The following PTGIS variants were observed in gnomAD, a reference collection of about 807,000 sequenced individuals.
PTGIS encodes the protein prostacyclin synthase.
Under a neutral mutation model 50.3 loss-of-function variants are expected in PTGIS, and 45 were observed. The observed-to-expected ratio is 0.90, with a 90% CI of 0.70 to 1.15. The LOEUF is 1.15. Among genes scored for constraint, PTGIS ranks in the 50% most tolerant of loss-of-function variants. PTGIS has a pLI of 0.00. For missense variants in PTGIS, 668 were observed against 661.3 expected, an observed-to-expected ratio of 1.01 and a Z score of -0.11; for synonymous variants, 260 against 267.7, an observed-to-expected ratio of 0.97 and a Z score of 0.28.
chr20:49,545,630 G>A (rs1314909093), intron 3 of PTGIS, among the ~76,000 whole-genome samples: 2 of 152,150 alleles, frequency 1.3e-5, no homozygotes, highest in African/African-American at 4.8e-5. Flanking sequence ...CTGAGGATAT[G>A]ATTAGAAGCC....
chr20:49,530,317 C>A lies in PTGIS; in HGVS notation c.674-6078G>T, dbSNP rs144163205. Among the ~76,000 whole-genome samples the A allele has an allele frequency of 6.6e-5, 10 of 152,326 alleles. No individual in the cohort carries two copies. In the East Asian group the frequency reaches 1.7e-3, roughly 26 times the overall value. ...GGCCATTGTACCACTATCTCTGTATCTGTTCATGCACTGATGGACACTTAG... is the reference window on the plus strand; with the variant it reads ...GGCCATTGTACCACTATCTCTGTATATGTTCATGCACTGATGGACACTTAG... On this transcript the variant is annotated intron_variant, in intron 5 of 9. Transcript: ENST00000244043.
chr20:49,539,466 T>G, intron 5 of PTGIS, 104 bp downstream of exon 5: 1 of 1,333,392 alleles, frequency 7.5e-7, no homozygotes, highest in Non-Finnish European at 1.0e-6. Context: ...GGGCATTGGA[T>G]GTCTTTCTGC....
At chr20:49,509,641 G>T (rs1009617308) in intron 9 of PTGIS, among the ~76,000 whole-genome samples, 2 of 152,156 alleles carry the variant, frequency 1.3e-5, no homozygotes, top group African/African-American at 2.4e-5. Flanking sequence ...CTGAACCTGG[G>T]TGTGCAGAAA....
At position 49,505,861 on chromosome 20, in the gene PTGIS, G is replaced by C. The variant is rs1484871932; in HGVS notation, c.*2059C>G. 6.6e-6 allele frequency: 1 copy of C among 152,610 alleles called. No individual in the cohort carries two copies. The highest frequency in any genetic ancestry group is 1.5e-5 in the Non-Finnish European group (1 of 68,104). The allele number at this position is 152,610 out of a possible 1,614,324, so 9.5% of individuals were successfully genotyped here. ...TCTGGGAATCCTGGGGGTGCCTGGAGGCTGAGGCCCAGGGAAGCCCCCAAA... is the reference window on the plus strand; with the variant it reads ...TCTGGGAATCCTGGGGGTGCCTGGACGCTGAGGCCCAGGGAAGCCCCCAAA... On this transcript the variant is annotated 3_prime_UTR_variant, in exon 10 of 10. Transcript: ENST00000244043.
chr20:49,507,751 C>T lies in PTGIS; in HGVS notation c.*169G>A, dbSNP rs1981192082. 8 of 884,374 alleles carry T rather than the reference C, an allele frequency of 9.0e-6. No homozygotes were observed. The Admixed American group carries it at 1.1e-4, about 12-fold the overall frequency. The allele number at this position is 884,374 out of a possible 1,614,324, so 54.8% of individuals were successfully genotyped here. ...GCTTTCAATGTCTTTTCTTTGTTCACCCTCTTAGCTTTTCCCTCCCCTGGA... is the reference window on the plus strand; with the variant it reads ...GCTTTCAATGTCTTTTCTTTGTTCATCCTCTTAGCTTTTCCCTCCCCTGGA... On this transcript the variant is annotated 3_prime_UTR_variant, in exon 10 of 10. Transcript: ENST00000244043.
At chr20:49,554,385 A>C (rs1199891142) in intron 1 of PTGIS, among the ~76,000 whole-genome samples, 1 of 152,230 alleles carries the variant, frequency 6.6e-6, no homozygotes, top group South Asian at 2.1e-4. Context: ...CTGATATAAA[A>C]AAATTTTTAA....
chr20:49,509,711 C>T (rs1325943811), intron 9 of PTGIS, among the ~76,000 whole-genome samples: 1 of 152,046 alleles, frequency 6.6e-6, no homozygotes, highest in African/African-American at 2.4e-5. Flanking sequence ...GTTATTACAG[C>T]ACTTACATAG....
At chr20:49,529,672 T>G (rs1568674980) in intron 5 of PTGIS, among the ~76,000 whole-genome samples, 1 of 152,224 alleles carries the variant, frequency 6.6e-6, no homozygotes, top group Non-Finnish European at 1.5e-5. Flanking sequence ...CTGTCCGGTG[T>G]ATCCACACTG....
chr20:49,531,497 T>C (rs1241179247), intron 5 of PTGIS, among the ~76,000 whole-genome samples: 3 of 152,224 alleles, frequency 2.0e-5, no homozygotes. Flanking sequence ...TGCAACTATT[T>C]ACTTCCATTC....
intron 4 of PTGIS, among the ~76,000 whole-genome samples, chr20:49,541,980 A>G (rs1982243338): frequency 6.6e-6 from 1 of 152,186 alleles, no homozygotes; most frequent in African/African-American, 2.4e-5. Flanking sequence ...GGACTCAAGA[A>G]AGACCTCTCT....
Position 49,524,136 on chromosome 20 carries a change from G to T in PTGIS, c.777C>A (p.Tyr259Ter), listed in dbSNP as rs1403803994. The T allele has an allele frequency of 6.2e-7, 1 of 1,614,232 alleles. No homozygotes were observed. The highest frequency in any genetic ancestry group is 1.1e-5 in the South Asian group (1 of 91,080). Residue 259 changes from tyrosine (Y) to a stop codon, truncating the protein, a stop_gained, in exon 6 of 10, where the codon TAC becomes TAA. Transcript: ENST00000244043. LOFTEE classifies it high-confidence loss of function. ...RAHRSKWLES[Y>*]LLHLEEMGVS... Reference sequence around the variant, plus strand: ...CACCCATCTCCTCCAGGTGCAGCAGGTAACTCTCCAGCCATTTGCTCCGGT... The same window carrying T: ...CACCCATCTCCTCCAGGTGCAGCAGTTAACTCTCCAGCCATTTGCTCCGGT...
At chr20:49,539,853 G>A in intron 4 of PTGIS, 132 bp from the exon 5 acceptor site, 1 of 1,267,398 alleles carries the variant, frequency 7.9e-7, no homozygotes, top group Non-Finnish European at 1.1e-6. Flanking sequence ...ACCATTCTGG[G>A]CACTGAACAG....
chr20:49,533,314 T>G (rs1391375028), intron 5 of PTGIS, among the ~76,000 whole-genome samples: 1 of 152,112 alleles, frequency 6.6e-6, no homozygotes, highest in Non-Finnish European at 1.5e-5. Context: ...GAATGCCTTT[T>G]TCCCCAAAAC....
chr20:49,566,821 A>G (rs1014418587), intron 1 of PTGIS, among the ~76,000 whole-genome samples: 1 of 152,246 alleles, frequency 6.6e-6, no homozygotes, highest in Non-Finnish European at 1.5e-5. Context: ...CTGGAACAAA[A>G]GAGGACAGTA....
intron 5 of PTGIS, among the ~76,000 whole-genome samples, chr20:49,526,219 C>T (rs962305685): frequency 4.6e-5 from 7 of 152,126 alleles, no homozygotes; most frequent in Admixed American, 3.3e-4. Context: ...GCCTGCAGGG[C>T]GCGGGCAGTG....
chr20:49,547,215 G>A (rs988322091), intron 3 of PTGIS, among the ~76,000 whole-genome samples: 15 of 152,224 alleles, frequency 9.9e-5, no homozygotes, highest in African/African-American at 3.6e-4. Context: ...CTGGGCAACA[G>A]AGAGAGACTC....
At chr20:49,511,980 G>A (rs1981332685) in intron 8 of PTGIS, among the ~76,000 whole-genome samples, 1 of 151,980 alleles carries the variant, frequency 6.6e-6, no homozygotes, top group African/African-American at 2.4e-5. Context: ...TAGATGGGTG[G>A]ATAGATGGAT....
At chr20:49,557,227 G>A (rs961090141) in intron 1 of PTGIS, among the ~76,000 whole-genome samples, 1 of 152,068 alleles carries the variant, frequency 6.6e-6, no homozygotes, top group African/African-American at 2.4e-5. Flanking sequence ...CTAGACATGA[G>A]AGATCAGACA....
intron 4 of PTGIS, among the ~76,000 whole-genome samples, chr20:49,542,009 A>G (rs1982244161): frequency 6.6e-6 from 1 of 152,188 alleles, no homozygotes; most frequent in Admixed American, 6.5e-5. Flanking sequence ...GGCGCTCGCG[A>G]TAAGGCTTAA....
Sources: allele counts gnomAD v4.1 joint callset (sites outside exome capture counted in the v4.1 genomes callset), GRCh38; gene constraint gnomAD v4.1.1; transcripts MANE v1.5; gene names NCBI Gene and HGNC (gene_info 2026-07-23, HGNC 2026-07-21).